SEZ6L: variants seen among roughly 807,000 people sequenced by gnomAD.
SEZ6L encodes seizure 6-like protein.
In SEZ6L, 37 loss-of-function variants were observed where a neutral mutation model predicts 106.2. The observed-to-expected ratio is 0.35, with a 90% CI of 0.27 to 0.46. The LOEUF is 0.46. Ranked by LOEUF, SEZ6L falls within the 20% of genes least tolerant of loss-of-function variation. The pLI, the probability that SEZ6L is intolerant of heterozygous loss-of-function variation, is 1.00. For synonymous variants in SEZ6L, 541 were observed against 570.4 expected, an observed-to-expected ratio of 0.95 and a Z score of 0.73; for missense variants, 1,172 against 1,332.8, an observed-to-expected ratio of 0.88 and a Z score of 1.88.
intron 13 of SEZ6L, among the ~76,000 whole-genome samples, chr22:26,371,310 G>A (rs752076404): frequency 3.3e-5 from 5 of 152,166 alleles, no homozygotes; most frequent in Non-Finnish European, 5.9e-5. Context: ...TATGGATATC[G>A]AGTTGTCCTG....
rs116183284 is a variant in SEZ6L, at chr22:26,323,056, G to A, written c.2015+9154G>A. On this transcript the variant is annotated intron_variant, in intron 9 of 16. Coordinates refer to ENST00000248933, the MANE Select transcript of SEZ6L (RefSeq NM_021115.5). ...GGGCCCCAAGTGGGCAGGTAACTTA[G>A]CAAGTATCACACAGCAAGAGAGGAC... Among the ~76,000 whole-genome samples, 450 of 152,336 alleles carry A rather than the reference G, an allele frequency of 3.0e-3. 3 individuals are homozygous for A. The highest frequency in any genetic ancestry group is 9.7e-3 in the African/African-American group (404 of 41,582).
chr22:26,268,113 T>A (rs1237332157), intron 1 of SEZ6L, among the ~76,000 whole-genome samples: 1 of 152,198 alleles, frequency 6.6e-6, no homozygotes, highest in Admixed American at 6.5e-5. Context: ...TAAATACCAA[T>A]CCAATTTCCT....
intron 9 of SEZ6L, among the ~76,000 whole-genome samples, chr22:26,325,382 C>T (rs1026406943): frequency 6.6e-6 from 1 of 152,138 alleles, no homozygotes; most frequent in South Asian, 2.1e-4. Flanking sequence ...GTACAATGAT[C>T]CTATGAGATC....
At chr22:26,313,949 G>C in intron 9 of SEZ6L, 47 bp downstream of exon 9, 1 of 1,570,500 alleles carries the variant, frequency 6.4e-7, no homozygotes, top group Non-Finnish European at 8.7e-7. Context: ...AAATTTGGGA[G>C]ATTGAGAAAG....
intron 1 of SEZ6L, among the ~76,000 whole-genome samples, chr22:26,263,497 G>C (rs1049818601): frequency 6.6e-6 from 1 of 152,206 alleles, no homozygotes. Context: ...TGAATGAAAA[G>C]TTCTGTGACT....
At chr22:26,371,198 G>T (rs935979344) in intron 13 of SEZ6L, among the ~76,000 whole-genome samples, 2 of 151,794 alleles carry the variant, frequency 1.3e-5, no homozygotes, top group Non-Finnish European at 2.9e-5. Context: ...TGTTTGTTTT[G>T]TTTTGCCAAA....
At chr22:26,376,206 G>A (rs1341911804) in intron 15 of SEZ6L, among the ~76,000 whole-genome samples, 1 of 149,152 alleles carries the variant, frequency 6.7e-6, no homozygotes, top group African/African-American at 2.5e-5. Context: ...ATCATTTGTG[G>A]AAAAAAAAAA....
At chr22:26,343,430 T>G (rs977497848) in intron 10 of SEZ6L, among the ~76,000 whole-genome samples, 5 of 152,226 alleles carry the variant, frequency 3.3e-5, no homozygotes, top group African/African-American at 1.2e-4. Flanking sequence ...AGAAGTGTTT[T>G]TGTTCATTGA....
chr22:26,368,861 A>G (rs2083906754), intron 13 of SEZ6L, among the ~76,000 whole-genome samples: 1 of 152,166 alleles, frequency 6.6e-6, no homozygotes, highest in Non-Finnish European at 1.5e-5. Flanking sequence ...AGAGAAGTTA[A>G]GTGATTTTCC....
rs117671174 is a variant in SEZ6L, at chr22:26,327,770, C to T, written c.2016-12666C>T. Among the ~76,000 whole-genome samples the T allele has an allele frequency of 3.6e-3, 542 of 152,352 alleles. 2 individuals are homozygous for T. The highest frequency in any genetic ancestry group is 7.0e-3 in the Admixed American group (107 of 15,308). The stretch of plus-strand genomic sequence containing the variant: ...CCACATACACATCCGACCTCACCAG[C>T]TGATCAAGCTTCCCTCAAGGTGAGC... On this transcript the variant is annotated intron_variant, in intron 9 of 16. Transcript: ENST00000248933.
At chr22:26,269,645 C>T (rs182919084) in intron 1 of SEZ6L, among the ~76,000 whole-genome samples, 140 of 152,300 alleles carry the variant, frequency 9.2e-4, no homozygotes, top group African/African-American at 3.2e-3. Context: ...TTGCTGCTAA[C>T]GTCTCCCAGT....
At chr22:26,327,316 C>T (rs1430768129) in intron 9 of SEZ6L, among the ~76,000 whole-genome samples, 1 of 146,558 alleles carries the variant, frequency 6.8e-6, no homozygotes, top group African/African-American at 2.6e-5. Flanking sequence ...TGACACTACA[C>T]ACACCACACA....
At chr22:26,318,105 T>A (rs999717859) in intron 9 of SEZ6L, among the ~76,000 whole-genome samples, 1 of 151,892 alleles carries the variant, frequency 6.6e-6, no homozygotes, top group Non-Finnish European at 1.5e-5. Context: ...TGATAGAGTC[T>A]CACTGTCACC....
intron 10 of SEZ6L, among the ~76,000 whole-genome samples, chr22:26,343,787 C>T (rs1306215558): frequency 2.6e-5 from 4 of 152,176 alleles, no homozygotes; most frequent in Non-Finnish European, 5.9e-5. Context: ...AAAGAGAGAA[C>T]AGTTCCTGAT....
In SEZ6L at chr22:26,297,086, G is replaced by T. The variant is rs774357426; in HGVS notation, c.1162+6G>T. On this transcript the variant is annotated splice_donor_region_variant and intron_variant, in intron 4 of 16. Transcript: ENST00000248933. ...CTTCCAGCTTCACTACCAGGGTAGG[G>T]TCAGGCCAAGGCTGATGAAACATAG... The T allele has an allele frequency of 2.5e-6, 4 of 1,608,386 alleles. No individual in the cohort carries two copies. The highest frequency in any genetic ancestry group is 3.4e-5 in the Admixed American group (2 of 59,496).
At chr22:26,223,346 T>C (rs1399627287) in intron 1 of SEZ6L, among the ~76,000 whole-genome samples, 1 of 152,258 alleles carries the variant, frequency 6.6e-6, no homozygotes, top group Non-Finnish European at 1.5e-5. Context: ...AGTGTTGTTC[T>C]TGCCTCATAG....
At chr22:26,249,601 C>A (rs2079497385) in intron 1 of SEZ6L, among the ~76,000 whole-genome samples, 1 of 152,076 alleles carries the variant, frequency 6.6e-6, no homozygotes, top group African/African-American at 2.4e-5. Context: ...AGGCTGATTT[C>A]TTCTCTTGGC....
intron 5 of SEZ6L, among the ~76,000 whole-genome samples, chr22:26,299,383 C>A (rs2081387430): frequency 2.6e-5 from 4 of 152,194 alleles, no homozygotes; most frequent in Admixed American, 2.6e-4. Context: ...TATGTTCACG[C>A]TATTGTGCAA....
intron 1 of SEZ6L, among the ~76,000 whole-genome samples, chr22:26,193,721 G>T (rs1940398200): frequency 1.3e-5 from 2 of 152,102 alleles, no homozygotes; most frequent in African/African-American, 4.8e-5. Context: ...GAGTCTCCAT[G>T]ATATACAGAC....
Sources: allele counts gnomAD v4.1 joint callset (sites outside exome capture counted in the v4.1 genomes callset), GRCh38; gene constraint gnomAD v4.1.1; transcripts MANE v1.5; gene names NCBI Gene and HGNC (gene_info 2026-07-23, HGNC 2026-07-21).